Variants in AXDND1 observed in about 807,000 individuals in gnomAD.
AXDND1 encodes the protein axonemal dynein light chain domain-containing protein 1.
AXDND1 carries 110 observed loss-of-function variants against 137.5 expected under a neutral mutation model. That is an observed-to-expected ratio of 0.80 (90% CI 0.69 to 0.94). The LOEUF is 0.94. Among genes scored for constraint, AXDND1 ranks in the 40% least tolerant of loss-of-function variants. The probability of loss-of-function intolerance (pLI) is 0.00; values close to 1 mark genes in which losing one functional copy is unlikely to be tolerated. For missense variants in AXDND1, 1,191 were observed against 1,169.8 expected (o/e 1.02, Z -0.26); for synonymous variants, 414 against 399.7 (o/e 1.04, Z -0.43).
intron 13 of AXDND1, 63 bp from the exon 14 acceptor site, chr1:179,430,389 G>T: frequency 7.8e-7 from 1 of 1,279,376 alleles, no homozygotes; most frequent in Non-Finnish European, 1.1e-6. Flanking sequence ...CCTGGTATAT[G>T]TTAATGACTA....
At chr1:179,367,909 G>T (rs1308045103) in intron 2 of AXDND1, among the ~76,000 whole-genome samples, 1 of 151,518 alleles carries the variant, frequency 6.6e-6, no homozygotes, top group Admixed American at 6.6e-5. Flanking sequence ...TCCTTACCCG[G>T]TTCTGTTAAA....
chr1:179,419,956 A>G (rs1300880189), intron 12 of AXDND1, among the ~76,000 whole-genome samples: 1 of 152,126 alleles, frequency 6.6e-6, no homozygotes, highest in African/African-American at 2.4e-5. Flanking sequence ...TCTCTTGCCT[A>G]ATTGCTCTGT....
At chr1:179,368,075 T>C (rs573446705) in intron 2 of AXDND1, among the ~76,000 whole-genome samples, 65 of 147,968 alleles carry the variant, frequency 4.4e-4, no homozygotes, top group Non-Finnish European at 8.9e-4. Context: ...TACCTCCTTA[T>C]AGAAATAAAC....
chr1:179,546,516 C>T (rs892471167), intron 25 of AXDND1, among the ~76,000 whole-genome samples: 1 of 152,090 alleles, frequency 6.6e-6, no homozygotes, highest in Non-Finnish European at 1.5e-5. Context: ...TCATCACTGG[C>T]AGTCAGGCTG....
intron 11 of AXDND1, among the ~76,000 whole-genome samples, chr1:179,408,380 A>G (rs1361594721): frequency 6.6e-6 from 1 of 150,866 alleles, no homozygotes; most frequent in African/African-American, 2.5e-5. Flanking sequence ...TTTATGAAAA[A>G]TTCTTTTTTT....
intron 2 of AXDND1, among the ~76,000 whole-genome samples, chr1:179,367,331 C>G (rs1433829298): frequency 6.6e-6 from 1 of 151,826 alleles, no homozygotes; most frequent in African/African-American, 2.4e-5. Flanking sequence ...TTCTGGCCAA[C>G]ATGGAGAAAC....
At chr1:179,416,811 T>G (rs1400468493) in intron 12 of AXDND1, among the ~76,000 whole-genome samples, 2 of 152,176 alleles carry the variant, frequency 1.3e-5, no homozygotes, top group Non-Finnish European at 2.9e-5. Flanking sequence ...AGTGCAGAGA[T>G]CTACCTGTCT....
At chr1:179,446,538 T>C (rs1358803302) in intron 16 of AXDND1, among the ~76,000 whole-genome samples, 2 of 152,242 alleles carry the variant, frequency 1.3e-5, no homozygotes, top group Non-Finnish European at 2.9e-5. Flanking sequence ...CTGGCAATTT[T>C]AGCAAGCATC....
At chr1:179,410,482 C>T (rs1340265207) in intron 11 of AXDND1, among the ~76,000 whole-genome samples, 2 of 152,214 alleles carry the variant, frequency 1.3e-5, no homozygotes, top group Non-Finnish European at 1.5e-5. Flanking sequence ...CCTGCCTCGG[C>T]CTCCCAATGT....
Position 179,488,634 on chromosome 1 carries a change from CCTTTCTTTCTTTCT to C in AXDND1, c.2092-2903_2092-2890del, listed in dbSNP as rs1239710226. On this transcript the variant is annotated intron_variant, in intron 18 of 25. Coordinates refer to ENST00000367618, the MANE Select transcript of AXDND1 (RefSeq NM_144696.6). ...TTTCTTTCTTTCTCTCTCTCTCTCT[CCTTTCTTTCTTTCT>C]TTCTTTCTTTCTTTCTTTCTTTCTT... Among the ~76,000 whole-genome samples the C allele has an allele frequency of 4.8e-5, 5 of 105,172 alleles. 1 individual carries two copies. The highest frequency in any genetic ancestry group is 2.0e-4 in the African/African-American group (5 of 25,576). The allele number at this position is 105,172 out of a possible 152,430, so 69.0% of individuals were successfully genotyped here.
chr1:179,497,226 A>T (rs1310900419), intron 20 of AXDND1, among the ~76,000 whole-genome samples: 7 of 152,044 alleles, frequency 4.6e-5, no homozygotes, highest in African/African-American at 1.7e-4. Context: ...ATCCTTGTTG[A>T]TTTTCTGTCT....
chr1:179,429,235 T>C (rs1212969263), intron 12 of AXDND1, among the ~76,000 whole-genome samples: 1 of 152,090 alleles, frequency 6.6e-6, no homozygotes, highest in Non-Finnish European at 1.5e-5. Flanking sequence ...ATGCATTCCA[T>C]ATAAATAAAA....
chr1:179,547,227 G>A (rs192431420), intron 25 of AXDND1, among the ~76,000 whole-genome samples: 1 of 152,308 alleles, frequency 6.6e-6, no homozygotes, highest in Admixed American at 6.5e-5. Flanking sequence ...CTGCAAAACT[G>A]CAGTGCTTGC....
intron 11 of AXDND1, among the ~76,000 whole-genome samples, chr1:179,408,560 T>C (rs7522313): frequency 4.3e-4 from 65 of 152,252 alleles, no homozygotes; most frequent in African/African-American, 1.4e-3. Flanking sequence ...TTTGTACTTT[T>C]AGTAGGATGG....
chr1:179,423,698 AAAG>A (rs60134062), intron 12 of AXDND1, among the ~76,000 whole-genome samples: 17,533 of 152,190 alleles, frequency 0.12, 1,185 homozygotes, highest in East Asian at 0.35. Context: ...CAAAAAAAGA[AAAG>A]AAGCAAATAA....
Position 179,468,624 on chromosome 1 carries a change from A to G in AXDND1, c.1980A>G (p.Ile660Met). 6.2e-7 allele frequency: 1 copy of G among 1,600,190 alleles called. No individual in the cohort carries two copies. Among genetic ancestry groups the G allele is most frequent in the Non-Finnish European group, 8.5e-7 (1 of 1,175,596 alleles). The change falls in exon 17 of 26, where the codon ATA becomes ATG. Residue 660 changes from isoleucine to methionine, a missense_variant. Transcript: ENST00000367618. The stretch of plus-strand genomic sequence containing the variant: ...TTACTGGTATTGTTCCACAGCACAT[A>G]GATGTGGATTCTGTTTCGTAAGTTC... ...LNLTGIVPQH[I>M]DVDSVSVLQA...
intron 23 of AXDND1, among the ~76,000 whole-genome samples, chr1:179,531,500 C>T (rs772304690): frequency 1.6e-4 from 25 of 152,110 alleles, no homozygotes; most frequent in Non-Finnish European, 3.1e-4. Context: ...AAGATGGAGT[C>T]AGCCCCATCA....
intron 12 of AXDND1, among the ~76,000 whole-genome samples, chr1:179,423,859 A>G (rs970975055): frequency 6.6e-6 from 1 of 152,220 alleles, no homozygotes; most frequent in Admixed American, 6.5e-5. Flanking sequence ...TAGGCTTCAT[A>G]CTAGAGTTAT....
At position 179,444,989 on chromosome 1, in the gene AXDND1, A is replaced by G. The variant is rs1178546583; in HGVS notation, c.1583A>G (p.Glu528Gly). 6 of 1,608,010 alleles carry G rather than the reference A, an allele frequency of 3.7e-6. No homozygotes were observed. The highest frequency in any genetic ancestry group is 2.2e-5 in the East Asian group (1 of 44,778). The change falls in exon 16 of 26, where the codon GAA (glutamate) becomes GGA (glycine). Residue 528 changes from glutamate to glycine, a missense_variant. Transcript: ENST00000367618. ...CTTTAGATCCTGAATGAGAAAAAAG[A>G]AGAGTTTACTGGGGATGTTCTACTG... ...QWQKILNEKK[E>G]EFTGDVLLSK...
Sources: allele counts gnomAD v4.1 joint callset (sites outside exome capture counted in the v4.1 genomes callset), GRCh38; gene constraint gnomAD v4.1.1; transcripts MANE v1.5; gene names NCBI Gene and HGNC (gene_info 2026-07-23, HGNC 2026-07-21).